BRIP1: variants seen among roughly 807,000 people sequenced by gnomAD.
BRIP1 encodes the protein BRCA1 interacting DNA helicase 1.
In BRIP1, 88 loss-of-function variants were observed where a neutral mutation model predicts 119.7. That is an observed-to-expected ratio of 0.74 (90% confidence interval 0.62 to 0.88). BRIP1 has a LOEUF of 0.88. Ranked by LOEUF, BRIP1 falls within the 40% of genes least tolerant of loss-of-function variation. The pLI is 0.00. For missense variants in BRIP1, 1,259 were observed against 1,455.4 expected, an observed-to-expected ratio of 0.87 and a Z score of 2.20; for synonymous variants, 443 against 496.5, an observed-to-expected ratio of 0.89 and a Z score of 1.43.
intron 6 of BRIP1, among the ~76,000 whole-genome samples, chr17:61,821,237 A>G (rs1305920319): frequency 6.6e-6 from 1 of 152,170 alleles, no homozygotes; most frequent in Non-Finnish European, 1.5e-5. Context: ...GAGGGGACCA[A>G]TCAGAGGCTG....
In BRIP1 at chr17:61,775,298, T is replaced by C. The variant is rs1169902073; in HGVS notation, c.2097+1103A>G. Reference sequence around the variant, plus strand: ...TCTTGTAAAAAATTATCTGATTAAATATGTTTTTGAAAACAAATCCTTTAA... The same window carrying C: ...TCTTGTAAAAAATTATCTGATTAAACATGTTTTTGAAAACAAATCCTTTAA... On this transcript the variant is annotated intron_variant, in intron 14 of 19. Coordinates refer to ENST00000259008, the MANE Select transcript of BRIP1 (RefSeq NM_032043.3). The surrounding 1 kb of genome is among the most constrained non-coding windows in gnomAD (Gnocchi z 4.4). Among the ~76,000 whole-genome samples the C allele has an allele frequency of 6.6e-6, 1 of 152,200 alleles. No homozygotes were observed. Among genetic ancestry groups the C allele is most frequent in the Non-Finnish European group, 1.5e-5 (1 of 68,008 alleles).
Position 61,808,412 on chromosome 17 carries a change from T to A in BRIP1, c.918+55A>T, listed in dbSNP as rs2145408876. 1 of 1,513,248 alleles carries A rather than the reference T, an allele frequency of 6.6e-7. No homozygotes were observed. Among genetic ancestry groups the A allele is most frequent in the Non-Finnish European group, 9.2e-7 (1 of 1,090,832 alleles). 93.7% of individuals were successfully genotyped at this position (1,513,248 alleles called of 1,614,324 possible). On this transcript the variant is annotated intron_variant, in intron 7 of 19. Transcript: ENST00000259008. This position sits in a 1 kb window ranked among gnomAD's most constrained non-coding sequence, Gnocchi z 4.1. The stretch of plus-strand genomic sequence containing the variant: ...ATGTACATATAAAACACATACTGAG[T>A]AATTTAAATATTTTCAGCCTTATTT...
chr17:61,818,566 C>T (rs942927199), intron 6 of BRIP1, among the ~76,000 whole-genome samples: 1 of 152,038 alleles, frequency 6.6e-6, no homozygotes, highest in African/African-American at 2.4e-5. Context: ...AACCAATCTA[C>T]AAAAAATAAT....
In BRIP1 at chr17:61,704,704, T is replaced by C. The variant is rs750450859; in HGVS notation, c.2493-11192A>G. ...TGGGTGAATTTTGGTATTTTGTGGG[T>C]TTTGTGGAATTAATCTACTTCATCT... On this transcript the variant is annotated intron_variant, in intron 17 of 19. Coordinates refer to ENST00000259008, the MANE Select transcript of BRIP1 (RefSeq NM_032043.3). This position sits in a 1 kb window ranked among gnomAD's most constrained non-coding sequence, Gnocchi z 5.7. Among the ~76,000 whole-genome samples the C allele has an allele frequency of 6.6e-5, 10 of 151,154 alleles. No homozygotes were observed. Among genetic ancestry groups the C allele is most frequent in the South Asian group, 4.1e-4 (2 of 4,826 alleles).
intron 14 of BRIP1, among the ~76,000 whole-genome samples, chr17:61,772,191 AT>A (rs1463343744): frequency 7.7e-6 from 1 of 129,798 alleles, no homozygotes; most frequent in African/African-American, 3.1e-5. Flanking sequence ...ATATATATAT[AT>A]ATATATATAT....
chr17:61,777,678 T>A (rs574760860), intron 13 of BRIP1, among the ~76,000 whole-genome samples: 3 of 152,094 alleles, frequency 2.0e-5, no homozygotes, highest in African/African-American at 7.2e-5. Flanking sequence ...GAGATGTATG[T>A]GGGAAGGGGC....
rs2061641080 is a variant in BRIP1, at chr17:61,703,091, G to A, written c.2493-9579C>T. ...GTTTGTTTGTTTGTTTTGAGACAGAGTCTCACTCTATTGCCCAGGCTGAAG... is the reference window on the plus strand; with the variant it reads ...GTTTGTTTGTTTGTTTTGAGACAGAATCTCACTCTATTGCCCAGGCTGAAG... On this transcript the variant is annotated intron_variant, in intron 17 of 19. Coordinates refer to ENST00000259008, the MANE Select transcript of BRIP1 (RefSeq NM_032043.3). The surrounding 1 kb of genome is among the most constrained non-coding windows in gnomAD (Gnocchi z 5.0). Among the ~76,000 whole-genome samples the A allele has an allele frequency of 6.6e-6, 1 of 151,588 alleles. No individual in the cohort carries two copies. Among genetic ancestry groups the A allele is most frequent in the African/African-American group, 2.4e-5 (1 of 41,224 alleles).
Position 61,683,147 on chromosome 17 carries a change from A to C in BRIP1, c.*149T>G. 9.5e-7 allele frequency: 1 copy of C among 1,052,104 alleles called. No individual in the cohort carries two copies. The highest frequency in any genetic ancestry group is 1.3e-6 in the Non-Finnish European group (1 of 743,556). The allele number at this position is 1,052,104 out of a possible 1,614,324, so 65.2% of individuals were successfully genotyped here. A position where few individuals can be genotyped will look rare whatever the true frequency, so the allele number is the denominator to read the frequency against. On this transcript the variant is annotated 3_prime_UTR_variant, in exon 20 of 20. Coordinates refer to ENST00000259008, the MANE Select transcript of BRIP1 (RefSeq NM_032043.3). This position sits in a 1 kb window ranked among gnomAD's most constrained non-coding sequence, Gnocchi z 4.7. ...CTCTGTCTCAAAAAAAAAAACCCAA[A>C]AACTCAAGAATAATAACATTTACAT... is the stretch of plus-strand genomic sequence containing the variant.
At chr17:61,859,769 A>C (rs771180511) in intron 3 of BRIP1, 27 bp downstream of exon 3, 5 of 1,411,216 alleles carry the variant, frequency 3.5e-6, no homozygotes, top group Non-Finnish European at 4.0e-6. Context: ...CCAGTAAGTA[A>C]CCTGAAGATA....
Position 61,794,165 on chromosome 17 carries a change from C to T in BRIP1, c.1341-436G>A, listed in dbSNP as rs905261724. ...AAATACATTCATTGATATATATACACATTCATACATTAAGTGTTTGAATGC... is the reference window on the plus strand; with the variant it reads ...AAATACATTCATTGATATATATACATATTCATACATTAAGTGTTTGAATGC... On this transcript the variant is annotated intron_variant, in intron 9 of 19. Coordinates refer to ENST00000259008, the MANE Select transcript of BRIP1 (RefSeq NM_032043.3). This position sits in a 1 kb window ranked among gnomAD's most constrained non-coding sequence, Gnocchi z 4.3. 6.6e-6 allele frequency among the ~76,000 whole-genome samples: 1 copy of T among 152,042 alleles called. No homozygotes were observed. Among genetic ancestry groups the T allele is most frequent in the South Asian group, 2.1e-4 (1 of 4,822 alleles).
rs1335880053 is a variant in BRIP1 at position 61,713,010 on chromosome 17, A to G, written c.2492+2941T>C. Among the ~76,000 whole-genome samples, 1 of 152,220 alleles carries G rather than the reference A, an allele frequency of 6.6e-6. No homozygotes were observed. Among genetic ancestry groups the G allele is most frequent in the Non-Finnish European group, 1.5e-5 (1 of 68,048 alleles). On this transcript the variant is annotated intron_variant, in intron 17 of 19. Coordinates refer to ENST00000259008, the MANE Select transcript of BRIP1 (RefSeq NM_032043.3). The surrounding 1 kb of genome is among the most constrained non-coding windows in gnomAD (Gnocchi z 4.9). The stretch of plus-strand genomic sequence containing the variant: ...TTAAGGGATAGTAATGCACCACATA[A>G]TGATGTTTCAGTCAGTGTGAAGTGC...
Position 61,725,122 on chromosome 17 carries a change from AGTGTGTGT to A in BRIP1, c.2380-9067_2380-9060del, listed in dbSNP as rs57246896. On this transcript the variant is annotated intron_variant, in intron 16 of 19. Transcript: ENST00000259008. The surrounding 1 kb of genome is among the most constrained non-coding windows in gnomAD (Gnocchi z 5.3). Reference sequence around the variant, plus strand: ...AGATTTCTGACACAGTTAACCAAATAGTGTGTGTGTGTGTGTGTGTGTGTATATACACT... The same window carrying A: ...AGATTTCTGACACAGTTAACCAAATAGTGTGTGTGTGTGTGTATATACACT... Among the ~76,000 whole-genome samples the A allele has an allele frequency of 6.6e-6, 1 of 151,272 alleles. No homozygotes were observed. The highest frequency in any genetic ancestry group is 1.5e-5 in the Non-Finnish European group (1 of 67,780).
Position 61,686,453 on chromosome 17 carries a change from G to C in BRIP1, c.2576-288C>G, listed in dbSNP as rs2061365996. 6.6e-6 allele frequency among the ~76,000 whole-genome samples: 1 copy of C among 151,854 alleles called. No homozygotes were observed. The highest frequency in any genetic ancestry group is 1.5e-5 in the Non-Finnish European group (1 of 67,994). ...ACATATTCTCTGGTTAAGAATAACT[G>C]GTGAACATGGCAAATTTAATTTCAT... On this transcript the variant is annotated intron_variant, in intron 18 of 19. Coordinates refer to ENST00000259008, the MANE Select transcript of BRIP1 (RefSeq NM_032043.3). The surrounding 1 kb of genome is among the most constrained non-coding windows in gnomAD (Gnocchi z 5.4).
At chr17:61,728,453 A>G (rs1377208683) in intron 16 of BRIP1, among the ~76,000 whole-genome samples, 1 of 152,214 alleles carries the variant, frequency 6.6e-6, no homozygotes, top group Non-Finnish European at 1.5e-5. Flanking sequence ...CCAAGCCCCA[A>G]TATATGAACA....
chr17:61,773,478 T>C (rs1226132015), intron 14 of BRIP1, among the ~76,000 whole-genome samples: 1 of 152,076 alleles, frequency 6.6e-6, no homozygotes, highest in African/African-American at 2.4e-5. Flanking sequence ...ACCTAGGCAA[T>C]ACCATTCAGA....
At position 61,699,157 on chromosome 17, in the gene BRIP1, G is replaced by C. The variant is rs2061573480; in HGVS notation, c.2493-5645C>G. ...CCATCATTTTATTTTCAACCTATTT[G>C]TGTTTTTTAAACTAGTGTTTCTCTT... On this transcript the variant is annotated intron_variant, in intron 17 of 19. Transcript: ENST00000259008. This position sits in a 1 kb window ranked among gnomAD's most constrained non-coding sequence, Gnocchi z 4.8. Among the ~76,000 whole-genome samples the C allele has an allele frequency of 6.6e-6, 1 of 151,710 alleles. No homozygotes were observed. Among genetic ancestry groups the C allele is most frequent in the African/African-American group, 2.4e-5 (1 of 41,278 alleles).
In BRIP1 at chr17:61,703,160, G is replaced by A. The variant is rs2061642657; in HGVS notation, c.2493-9648C>T. Among the ~76,000 whole-genome samples the A allele has an allele frequency of 6.6e-6, 1 of 152,048 alleles. No individual in the cohort carries two copies. Among genetic ancestry groups the A allele is most frequent in the Non-Finnish European group, 1.5e-5 (1 of 67,994 alleles). Reference sequence around the variant, plus strand: ...ACTCACTGCAAACTCCACCTCCCGGGTTCAAACGATTCTCCTGCTTAGCCT... The same window carrying A: ...ACTCACTGCAAACTCCACCTCCCGGATTCAAACGATTCTCCTGCTTAGCCT... On this transcript the variant is annotated intron_variant, in intron 17 of 19. Coordinates refer to ENST00000259008, the MANE Select transcript of BRIP1 (RefSeq NM_032043.3). This position sits in a 1 kb window ranked among gnomAD's most constrained non-coding sequence, Gnocchi z 5.0.
In BRIP1 at chr17:61,683,975, C is replaced by A. The variant is rs587781744; in HGVS notation, c.3071G>T (p.Gly1024Val). Residue 1024 changes from glycine (G) to valine (V), a missense_variant, in exon 20 of 20, where the codon GGG (glycine) becomes GTG (valine). This residue lies in a region of BRIP1 where 753 missense variants were observed against 891.8 expected (regional missense o/e 0.84). Transcript: ENST00000259008. This position sits in a 1 kb window ranked among gnomAD's most constrained non-coding sequence, Gnocchi z 4.7. Reference protein sequence around the residue: ...GKIPKATPELGSSENSASSPP... With the variant: ...GKIPKATPELVSSENSASSPP... ...ACTAGAGGCACTATTCTCTGATGACCCGAGCTCAGGTGTTGCCTTCGGTAT... is the reference window on the plus strand; with the variant it reads ...ACTAGAGGCACTATTCTCTGATGACACGAGCTCAGGTGTTGCCTTCGGTAT... The A allele has an allele frequency of 1.2e-6, 2 of 1,613,990 alleles. No individual in the cohort carries two copies. The highest frequency in any genetic ancestry group is 1.7e-6 in the Non-Finnish European group (2 of 1,180,034).
In BRIP1 at chr17:61,807,089, T is replaced by C. The variant is rs2078085252; in HGVS notation, c.918+1378A>G. On this transcript the variant is annotated intron_variant, in intron 7 of 19. Coordinates refer to ENST00000259008, the MANE Select transcript of BRIP1 (RefSeq NM_032043.3). The surrounding 1 kb of genome is among the most constrained non-coding windows in gnomAD (Gnocchi z 4.5). ...GACAATGCCAGCAAGTCTTCTTGCA[T>C]AGGCTATATAGCCAAAAAATAAATT... Among the ~76,000 whole-genome samples, 3 of 152,232 alleles carry C rather than the reference T, an allele frequency of 2.0e-5. No individual in the cohort carries two copies. Among genetic ancestry groups the C allele is most frequent in the African/African-American group, 7.2e-5 (3 of 41,456 alleles).
Sources: allele counts gnomAD v4.1 joint callset (sites outside exome capture counted in the v4.1 genomes callset), GRCh38; gene constraint gnomAD v4.1.1; regional missense constraint gnomAD v4.1.1; non-coding constraint Gnocchi (gnomAD v3.1); transcripts MANE v1.5; gene names NCBI Gene and HGNC (gene_info 2026-07-23, HGNC 2026-07-21).